CREB5: variants seen among roughly 807,000 people sequenced by gnomAD.
The protein encoded by CREB5 is cAMP responsive element binding protein 5, also known as cyclic AMP-responsive element-binding protein 5.
In CREB5, 19 loss-of-function variants were observed where a neutral mutation model predicts 57.1. That is an observed-to-expected ratio of 0.33 (90% CI 0.23 to 0.49). The LOEUF (loss-of-function observed/expected upper bound fraction) is 0.49, where lower values mean the gene tolerates loss of function less well. Ranked by LOEUF, CREB5 falls within the 20% of genes least tolerant of loss-of-function variation. The pLI, the probability that CREB5 is intolerant of heterozygous loss-of-function variation, is 0.99. For synonymous variants in CREB5, 238 were observed against 238.3 expected (o/e 1.00, Z 0.01); for missense variants, 579 against 671.6 (o/e 0.86, Z 1.52).
At chr7:28,380,057 T>G (rs1786936190) in intron 1 of CREB5, among the ~76,000 whole-genome samples, 1 of 150,724 alleles carries the variant, frequency 6.6e-6, no homozygotes, top group African/African-American at 2.4e-5. Flanking sequence ...TGGCTGGAAA[T>G]CAGTGTTTTA....
intron 5 of CREB5, among the ~76,000 whole-genome samples, chr7:28,672,968 C>G (rs1253651275): frequency 6.6e-6 from 1 of 152,068 alleles, no homozygotes; most frequent in Non-Finnish European, 1.5e-5. Flanking sequence ...CTTAGATTAC[C>G]TTGAGTCCCC....
intron 1 of CREB5, among the ~76,000 whole-genome samples, chr7:28,308,237 T>C (rs1057380635): frequency 6.6e-6 from 1 of 152,166 alleles, no homozygotes; most frequent in Non-Finnish European, 1.5e-5. Flanking sequence ...GGGACTGAAA[T>C]ATAAGACAGT....
intron 1 of CREB5, among the ~76,000 whole-genome samples, chr7:28,381,061 C>A (rs1307216613): frequency 1.3e-5 from 2 of 152,112 alleles, no homozygotes; most frequent in Non-Finnish European, 2.9e-5. Flanking sequence ...CCAGAAAATC[C>A]TTTTCCTCAT....
intron 1 of CREB5, among the ~76,000 whole-genome samples, chr7:28,342,402 T>A (rs945739597): frequency 1.3e-5 from 2 of 152,188 alleles, no homozygotes; most frequent in African/African-American, 4.8e-5. Flanking sequence ...TGATTCAGAC[T>A]AATTAGTACT....
At chr7:28,759,522 A>G (rs992951087) in intron 7 of CREB5, among the ~76,000 whole-genome samples, 2 of 152,224 alleles carry the variant, frequency 1.3e-5, no homozygotes, top group Non-Finnish European at 2.9e-5. Context: ...TAGATGCACA[A>G]TTAGATTTTT....
chr7:28,723,282 T>C (rs1361865481), intron 6 of CREB5, among the ~76,000 whole-genome samples: 1 of 152,246 alleles, frequency 6.6e-6, no homozygotes, highest in African/African-American at 2.4e-5. Context: ...AGTGTTAATT[T>C]TCCACCAAAC....
At chr7:28,798,295 C>G (rs1431462762) in intron 7 of CREB5, among the ~76,000 whole-genome samples, 1 of 144,044 alleles carries the variant, frequency 6.9e-6, no homozygotes, top group African/African-American at 2.6e-5. Flanking sequence ...GATGGAGAAG[C>G]GATGTTTTCA....
chr7:28,479,837 G>A (rs559646689), intron 1 of CREB5, among the ~76,000 whole-genome samples: 46 of 152,152 alleles, frequency 3.0e-4, no homozygotes, highest in Non-Finnish European at 5.4e-4. Context: ...TGGTTTCGCC[G>A]AAAGCAGAGT....
intron 1 of CREB5, among the ~76,000 whole-genome samples, chr7:28,475,514 G>T (rs1433894687): frequency 1.3e-5 from 2 of 151,854 alleles, no homozygotes; most frequent in Admixed American, 1.3e-4. Flanking sequence ...AAGAATAAGT[G>T]TTAAGATTAA....
intron 1 of CREB5, among the ~76,000 whole-genome samples, chr7:28,416,015 A>G (rs1435836144): frequency 1.3e-5 from 2 of 152,188 alleles, no homozygotes; most frequent in Non-Finnish European, 2.9e-5. Flanking sequence ...AAAAAAATTC[A>G]TGCATGCAAC....
At chr7:28,715,905 G>A (rs933888790) in intron 5 of CREB5, among the ~76,000 whole-genome samples, 1 of 152,028 alleles carries the variant, frequency 6.6e-6, no homozygotes, top group African/African-American at 2.4e-5. Flanking sequence ...ACCCTGAAAG[G>A]CTATCTTAAT....
At chr7:28,635,552 C>T (rs1016974304) in intron 5 of CREB5, among the ~76,000 whole-genome samples, 16 of 152,212 alleles carry the variant, frequency 1.1e-4, no homozygotes, top group African/African-American at 3.9e-4. Flanking sequence ...ATGTCTGCCT[C>T]AGCTGACAAG....
At chr7:28,560,882 G>GCGTGTC (rs1795137744) in intron 4 of CREB5, among the ~76,000 whole-genome samples, 1 of 19,108 alleles carries the variant, frequency 5.2e-5, no homozygotes, top group African/African-American at 2.7e-4. Context: ...GCGCGTGCGT[G>GCGTGTC]CGTGCGTGTG....
intron 6 of CREB5, among the ~76,000 whole-genome samples, 200 bp from the exon 7 acceptor site, chr7:28,724,022 A>C (rs1022974971): frequency 3.3e-5 from 5 of 152,178 alleles, no homozygotes; most frequent in African/African-American, 1.2e-4. Flanking sequence ...CCCTGTATAG[A>C]AGCACGGCTT....
At position 28,560,907 on chromosome 7, in the gene CREB5, T is replaced by TGCGCGC. The variant is rs1554344458; in HGVS notation, c.292-9455_292-9454insCGCGCG. On this transcript the variant is annotated intron_variant, in intron 4 of 10. Transcript: ENST00000357727. ...GCGTGCGTGTGTGTGCGTGCGCGCGTGCGTGTGCGTGTGTGCGCGTGCGTG... is the reference window on the plus strand; with the variant it reads ...GCGTGCGTGTGTGTGCGTGCGCGCGTGCGCGCGCGTGTGCGTGTGTGCGCGTGCGTG... Among the ~76,000 whole-genome samples, 5 of 42,738 alleles carry TGCGCGC rather than the reference T, an allele frequency of 1.2e-4. 1 individual carries two copies. The highest frequency in any genetic ancestry group is 2.0e-3 in the East Asian group (1 of 512). 28.0% of individuals were successfully genotyped at this position (42,738 alleles called of 152,430 possible).
In CREB5 at chr7:28,299,616, C is replaced by A. The variant is rs541810785; in HGVS notation, c.-25+175C>A. ...TTCCCTCATTGCAGAAAGCTCTAGG[C>A]AAGGCTACTGATATTCTTTTGTTAT... On this transcript the variant is annotated intron_variant, in intron 1 of 9. Transcript: ENST00000396299. Among the ~76,000 whole-genome samples, 72 of 152,282 alleles carry A rather than the reference C, an allele frequency of 4.7e-4. 1 individual carries two copies. The highest frequency in any genetic ancestry group is 8.8e-4 in the Non-Finnish European group (60 of 68,022).
chr7:28,501,060 C>T (rs1326984286), intron 3 of CREB5, among the ~76,000 whole-genome samples: 1 of 152,012 alleles, frequency 6.6e-6, no homozygotes, highest in Non-Finnish European at 1.5e-5. Context: ...TCATTTAATC[C>T]TTACCACTTT....
At chr7:28,507,142 T>G (rs756084838) in intron 3 of CREB5, among the ~76,000 whole-genome samples, 3 of 152,238 alleles carry the variant, frequency 2.0e-5, no homozygotes, top group African/African-American at 7.2e-5. Context: ...TTAACATGCT[T>G]GTTTGTTTCT....
intron 5 of CREB5, chr7:28,609,161 T>A (rs113254106): frequency 6.6e-6 from 1 of 152,292 alleles, no homozygotes; most frequent in African/African-American, 2.4e-5. Context: ...AACAATAATT[T>A]GAATTAATAT....
Sources: allele counts gnomAD v4.1 joint callset (sites outside exome capture counted in the v4.1 genomes callset), GRCh38; gene constraint gnomAD v4.1.1; transcripts MANE v1.5; gene names NCBI Gene and HGNC (gene_info 2026-07-23, HGNC 2026-07-21).